SOCS6: variants seen among roughly 807,000 people sequenced by gnomAD.
SOCS6 encodes suppressor of cytokine signaling 6.
Under a neutral mutation model 27.7 loss-of-function variants are expected in SOCS6, and 5 were observed. The observed-to-expected ratio is 0.18, with a 90% CI of 0.09 to 0.38. The LOEUF is 0.38. SOCS6 is among the 10% of genes least tolerant of loss of function. The pLI, the probability that SOCS6 is intolerant of heterozygous loss-of-function variation, is 1.00. For synonymous variants in SOCS6, 271 were observed against 260.0 expected (o/e 1.04, Z -0.41); for missense variants, 595 against 688.1 (o/e 0.86, Z 1.51).
chr18:70,296,384 C>T (rs1056172661), intron 1 of SOCS6, among the ~76,000 whole-genome samples: 2 of 152,150 alleles, frequency 1.3e-5, no homozygotes, highest in Non-Finnish European at 2.9e-5. Flanking sequence ...CTGTGGACGC[C>T]GCCTCCCTTG....
chr18:70,310,745 C>T (rs1159741900), intron 1 of SOCS6, among the ~76,000 whole-genome samples: 1 of 152,076 alleles, frequency 6.6e-6, no homozygotes, highest in Non-Finnish European at 1.5e-5. Context: ...CTCTCGTCTC[C>T]CGTCTCCTGT....
At chr18:70,291,645 A>G (rs1438310779) in intron 1 of SOCS6, among the ~76,000 whole-genome samples, 2 of 152,308 alleles carry the variant, frequency 1.3e-5, no homozygotes, top group South Asian at 2.1e-4. Flanking sequence ...TTACATCCAG[A>G]TAAACCCACT....
Position 70,325,893 on chromosome 18 carries a change from C to G in SOCS6, c.1225C>G (p.Arg409Gly). The change falls in exon 2 of 2, where the codon CGG becomes GGG. Residue 409 changes from arginine to glycine, a missense_variant. By Grantham distance (125) the Arg-to-Gly change is moderately radical. This residue lies in a region of SOCS6 where 128 missense variants were observed against 207.0 expected (regional missense o/e 0.62). Coordinates refer to ENST00000397942, the MANE Select transcript of SOCS6 (RefSeq NM_004232.4). This position sits in a 1 kb window ranked among gnomAD's most constrained non-coding sequence, Gnocchi z 6.3. ...ANVPDGSFLV[R>G]DSSDDRYLLS... The stretch of plus-strand genomic sequence containing the variant: ...CGTGCCAGATGGTTCTTTTCTTGTT[C>G]GGGACAGTTCTGACGACCGTTACCT... 1 of 1,614,148 alleles carries G rather than the reference C, an allele frequency of 6.2e-7. No individual in the cohort carries two copies. The highest frequency in any genetic ancestry group is 1.1e-5 in the South Asian group (1 of 91,072).
Position 70,325,315 on chromosome 18 carries a change from T to C in SOCS6, c.647T>C (p.Met216Thr), listed in dbSNP as rs567159663. The change falls in exon 2 of 2, where the codon ATG becomes ACG. Residue 216 changes from methionine to threonine, a missense_variant. This residue lies in a region of SOCS6 where 467 missense variants were observed against 481.1 expected (regional missense o/e 0.97). Transcript: ENST00000397942. The surrounding 1 kb of genome is among the most constrained non-coding windows in gnomAD (Gnocchi z 6.3). ...DEHVPVVIGL[M>T]PQDYIQYTVP... ...CATGTGCCTGTCGTTATTGGACTTA[T>C]GCCTCAGGACTACATTCAGTATACT... 5.6e-6 allele frequency: 9 copies of C among 1,614,228 alleles called. No homozygotes were observed. Among genetic ancestry groups the C allele is most frequent in the East Asian group, 4.5e-5 (2 of 44,894 alleles).
chr18:70,324,940 C>G lies in SOCS6; in HGVS notation c.272C>G (p.Ala91Gly), dbSNP rs201670304. 27 of 1,614,072 alleles carry G rather than the reference C, an allele frequency of 1.7e-5. No homozygotes were observed. Among genetic ancestry groups the G allele is most frequent in the Middle Eastern group, 1.6e-4 (1 of 6,084 alleles). The stretch of plus-strand genomic sequence containing the variant: ...GCAAAACAGAAGTCAAAAGGCAAGG[C>G]GGGCACACCCTCTGGGAGCTCTGCC... ...LSAKQKSKGK[A>G]GTPSGSSADE... is the part of the protein sequence containing the mutation. Residue 91 changes from alanine (A) to glycine (G), a missense_variant, in exon 2 of 2, where the codon GCG (alanine) becomes GGG (glycine). Ala to Gly is a moderately conservative substitution (Grantham distance 60). Coordinates refer to ENST00000397942, the MANE Select transcript of SOCS6 (RefSeq NM_004232.4).
chr18:70,304,375 C>CG (rs2062360517), intron 1 of SOCS6, among the ~76,000 whole-genome samples: 1 of 144,106 alleles, frequency 6.9e-6, no homozygotes. Flanking sequence ...TTCCTGCAAT[C>CG]GGGGAAAAAA....
rs564875304 is a variant in SOCS6, at chr18:70,300,481, G to A, written c.-127+11391G>A. On this transcript the variant is annotated intron_variant, in intron 1 of 1. Transcript: ENST00000397942. ...CAAAAAGCATTTTTACATGATTGAC[G>A]TTATGAATATTTGTTTCATATTCAG... Among the ~76,000 whole-genome samples, 12 of 152,252 alleles carry A rather than the reference G, an allele frequency of 7.9e-5. No individual in the cohort carries two copies. The South Asian group carries it at 1.2e-3, about 16-fold the overall frequency.
At chr18:70,324,441 T>G in intron 1 of SOCS6, 102 bp from the exon 2 acceptor site, 2 of 383,112 alleles carry the variant, frequency 5.2e-6, no homozygotes, top group Non-Finnish European at 9.3e-6. Context: ...AAGAAAAGAC[T>G]GGGGTGTTCT....
rs1171481135 is a variant in SOCS6, at chr18:70,328,966, T to C, written c.*2690T>C. ...TGAGTGCTTTTTAAATACGTGCTTC[T>C]AAAAATCTGAGCTCAAAGCAAGAAA... On this transcript the variant is annotated 3_prime_UTR_variant, in exon 2 of 2. Coordinates refer to ENST00000397942, the MANE Select transcript of SOCS6 (RefSeq NM_004232.4). 1 of 167,036 alleles carries C rather than the reference T, an allele frequency of 6.0e-6. No homozygotes were observed. Among genetic ancestry groups the C allele is most frequent in the Non-Finnish European group, 1.5e-5 (1 of 68,106 alleles). The allele number at this position is 167,036 out of a possible 1,614,324, so 10.3% of individuals were successfully genotyped here.
At chr18:70,296,042 G>A (rs780537713) in intron 1 of SOCS6, among the ~76,000 whole-genome samples, 6 of 152,150 alleles carry the variant, frequency 3.9e-5, no homozygotes, top group Non-Finnish European at 7.3e-5. Context: ...AAAACAGGAC[G>A]AATCACAGGA....
chr18:70,305,258 A>G (rs1212191748), intron 1 of SOCS6, among the ~76,000 whole-genome samples: 4 of 152,218 alleles, frequency 2.6e-5, no homozygotes, highest in Non-Finnish European at 5.9e-5. Context: ...ATTTAGGTAT[A>G]TGACCCATTT....
At position 70,329,082 on chromosome 18, in the gene SOCS6, C is replaced by T. The variant is rs566148232; in HGVS notation, c.*2806C>T. On this transcript the variant is annotated 3_prime_UTR_variant, in exon 2 of 2. Coordinates refer to ENST00000397942, the MANE Select transcript of SOCS6 (RefSeq NM_004232.4). Reference sequence around the variant, plus strand: ...TTTCATCACGAAATATGATGGAGGCCAGAAGCTATTTTTAGGCTTACTATA... The same window carrying T: ...TTTCATCACGAAATATGATGGAGGCTAGAAGCTATTTTTAGGCTTACTATA... The T allele has an allele frequency of 1.2e-5, 2 of 167,046 alleles. No homozygotes were observed. The highest frequency in any genetic ancestry group is 3.9e-4 in the East Asian group (2 of 5,192). 10.3% of individuals were successfully genotyped at this position (167,046 alleles called of 1,614,324 possible). A position where few individuals can be genotyped will look rare whatever the true frequency, so the allele number is the denominator to read the frequency against.
intron 1 of SOCS6, among the ~76,000 whole-genome samples, chr18:70,316,062 C>G (rs1223300513): frequency 6.6e-6 from 1 of 151,996 alleles, no homozygotes. Flanking sequence ...GTTGGCCAGG[C>G]TGGTCTTGAG....
chr18:70,299,279 T>A (rs1339865431), intron 1 of SOCS6, among the ~76,000 whole-genome samples: 2 of 152,148 alleles, frequency 1.3e-5, no homozygotes, highest in Non-Finnish European at 2.9e-5. Flanking sequence ...TCTGACCGAC[T>A]GGCTACAAAT....
intron 1 of SOCS6, among the ~76,000 whole-genome samples, chr18:70,291,387 ACCACAC>A (rs2062298802): frequency 6.6e-6 from 1 of 152,108 alleles, no homozygotes; most frequent in East Asian, 1.9e-4. Context: ...GGCACGAACC[ACCACAC>A]CCAGCCTGCA....
intron 1 of SOCS6, among the ~76,000 whole-genome samples, chr18:70,297,044 C>T (rs559333118): frequency 2.6e-5 from 4 of 151,396 alleles, no homozygotes; most frequent in African/African-American, 9.7e-5. Context: ...GAGGGGAGTT[C>T]CCTCAATTTT....
chr18:70,319,858 T>C (rs1910911519), intron 1 of SOCS6, among the ~76,000 whole-genome samples: 1 of 152,186 alleles, frequency 6.6e-6, no homozygotes, highest in African/African-American at 2.4e-5. Context: ...ATAACCACTT[T>C]TACTAAAAAC....
At chr18:70,304,448 TTC>T (rs2062360923) in intron 1 of SOCS6, among the ~76,000 whole-genome samples, 1 of 152,250 alleles carries the variant, frequency 6.6e-6, no homozygotes, top group Non-Finnish European at 1.5e-5. Flanking sequence ...GGTTTCTGGT[TTC>T]TCTGCATCCC....
At chr18:70,311,676 T>A (rs1293560044) in intron 1 of SOCS6, among the ~76,000 whole-genome samples, 2 of 152,222 alleles carry the variant, frequency 1.3e-5, no homozygotes, top group Non-Finnish European at 2.9e-5. Flanking sequence ...TTGAAACATT[T>A]ACTATGCACT....
Sources: allele counts gnomAD v4.1 joint callset (sites outside exome capture counted in the v4.1 genomes callset), GRCh38; gene constraint gnomAD v4.1.1; regional missense constraint gnomAD v4.1.1; non-coding constraint Gnocchi (gnomAD v3.1); transcripts MANE v1.5; gene names NCBI Gene and HGNC (gene_info 2026-07-23, HGNC 2026-07-21).